MAST4: variants seen among roughly 807,000 people sequenced by gnomAD.
MAST4 encodes microtubule associated serine/threonine kinase family member 4.
In MAST4, 89 loss-of-function variants were observed where a neutral mutation model predicts 162.7. The ratio of observed to expected loss-of-function variants is 0.55; its 90% CI spans 0.46 to 0.65. The LOEUF (loss-of-function observed/expected upper bound fraction) is 0.65. MAST4 is among the 30% of genes least tolerant of loss of function. The pLI is 0.00. For synonymous variants in MAST4, 1,479 were observed against 1,361.1 expected, an observed-to-expected ratio of 1.09 and a Z score of -1.91; for missense variants, 3,153 against 3,374.0, an observed-to-expected ratio of 0.93 and a Z score of 1.62.
intron 3 of MAST4, among the ~76,000 whole-genome samples, chr5:66,840,254 T>C (rs867433989): frequency 3.5e-4 from 53 of 152,300 alleles, no homozygotes; most frequent in African/African-American, 1.3e-3. Flanking sequence ...TATTTTTATC[T>C]TAACATTTTT....
At chr5:66,915,330 GT>G (rs1358674908) in intron 4 of MAST4, among the ~76,000 whole-genome samples, 1 of 150,034 alleles carries the variant, frequency 6.7e-6, no homozygotes, top group Non-Finnish European at 1.5e-5. Flanking sequence ...GAGATTTCAT[GT>G]TTTCTTCTGA....
At chr5:66,928,188 C>G (rs996411572) in intron 4 of MAST4, among the ~76,000 whole-genome samples, 1 of 152,188 alleles carries the variant, frequency 6.6e-6, no homozygotes, top group Admixed American at 6.5e-5. Flanking sequence ...CATAATACCC[C>G]TTCTGTTCTC....
intron 3 of MAST4, 62 bp from the exon 4 acceptor site, chr5:66,899,889 G>T: frequency 7.7e-7 from 1 of 1,294,484 alleles, no homozygotes; most frequent in East Asian, 2.7e-5. Context: ...TATCCATTTG[G>T]TATCCTAGTA....
At position 66,941,418 on chromosome 5, in the gene MAST4, C is replaced by T. The variant is rs116953758; in HGVS notation, c.674+41436C>T. On this transcript the variant is annotated intron_variant, in intron 4 of 28. Transcript: ENST00000403625. Reference sequence around the variant, plus strand: ...TTGCACTTTTATGGTATGGAGATGGCGTCTTTCCTTAAACTTCTGCTAGCT... The same window carrying T: ...TTGCACTTTTATGGTATGGAGATGGTGTCTTTCCTTAAACTTCTGCTAGCT... Among the ~76,000 whole-genome samples the T allele has an allele frequency of 1.4e-4, 22 of 152,234 alleles. No homozygotes were observed. The East Asian group carries it at 3.7e-3, about 25-fold the overall frequency.
intron 21 of MAST4, chr5:67,143,020 T>C (rs1770600860): frequency 6.4e-6 from 1 of 156,358 alleles, no homozygotes. Context: ...CGAGCTTCAC[T>C]GTGTACAGAG....
chr5:66,870,471 A>G (rs1760846721), intron 3 of MAST4, among the ~76,000 whole-genome samples: 1 of 152,170 alleles, frequency 6.6e-6, no homozygotes, highest in South Asian at 2.1e-4. Context: ...TTTTTGAAAT[A>G]CAGACAATTA....
chr5:66,736,342 T>G (rs2149564000), intron 1 of MAST4, among the ~76,000 whole-genome samples: 1 of 150,362 alleles, frequency 6.7e-6, no homozygotes, highest in African/African-American at 2.5e-5. Flanking sequence ...TTGGTCCTTG[T>G]ATGTGTGTGC....
chr5:66,772,918 A>G (rs922521354), intron 2 of MAST4, among the ~76,000 whole-genome samples: 1 of 152,196 alleles, frequency 6.6e-6, no homozygotes, highest in African/African-American at 2.4e-5. Context: ...TTCATTTTCT[A>G]GTCACTGCAC....
In MAST4 at chr5:66,796,426, A is replaced by C. The variant is rs1222153213; in HGVS notation, c.642+7632A>C. Among the ~76,000 whole-genome samples, 4 of 152,146 alleles carry C rather than the reference A, an allele frequency of 2.6e-5. No homozygotes were observed. In the East Asian group the frequency reaches 7.7e-4, roughly 29 times the overall value. On this transcript the variant is annotated intron_variant, in intron 3 of 28. Coordinates refer to ENST00000403625, the MANE Select transcript of MAST4 (RefSeq NM_001164664.2). The stretch of plus-strand genomic sequence containing the variant: ...TCTTTTCATTTTGCAGAGGTTAAAA[A>C]ATGTTCATTACCTTCTTTAGGTGTT...
At chr5:66,658,362 G>T (rs1361405970) in intron 1 of MAST4, among the ~76,000 whole-genome samples, 1 of 152,172 alleles carries the variant, frequency 6.6e-6, no homozygotes, top group Non-Finnish European at 1.5e-5. Context: ...ACAAAGACGG[G>T]CCTATTTCCA....
chr5:66,650,263 T>C (rs2149446844), intron 1 of MAST4, among the ~76,000 whole-genome samples: 1 of 152,232 alleles, frequency 6.6e-6, no homozygotes, highest in Admixed American at 6.5e-5. Context: ...CTGCTTCATA[T>C]ATGATCCTTC....
intron 3 of MAST4, among the ~76,000 whole-genome samples, chr5:66,802,613 G>C (rs1415123893): frequency 6.6e-6 from 1 of 152,128 alleles, no homozygotes; most frequent in Non-Finnish European, 1.5e-5. Context: ...TTAGAGTTTA[G>C]AGTCTATTTT....
intron 4 of MAST4, among the ~76,000 whole-genome samples, chr5:66,997,801 C>A (rs1252247572): frequency 1.3e-5 from 2 of 152,144 alleles, no homozygotes; most frequent in South Asian, 2.1e-4. Context: ...TATATTTATA[C>A]CCCTATGAAT....
chr5:66,597,081 C>G (rs1047141091), intron 1 of MAST4, 63 bp downstream of exon 1: 1 of 1,339,282 alleles, frequency 7.5e-7, no homozygotes. Flanking sequence ...AGTTTCCCAT[C>G]CTGCGCACAG....
chr5:66,972,322 T>C (rs1390876429), intron 4 of MAST4, among the ~76,000 whole-genome samples: 1 of 152,224 alleles, frequency 6.6e-6, no homozygotes, highest in Non-Finnish European at 1.5e-5. Context: ...TTTCTACTTA[T>C]TTCTCTGACA....
Position 66,897,967 on chromosome 5 carries a change from T to A in MAST4, c.643-1984T>A, listed in dbSNP as rs536557165. Among the ~76,000 whole-genome samples the A allele has an allele frequency of 2.0e-5, 3 of 152,378 alleles. No homozygotes were observed. The East Asian group carries it at 5.8e-4, about 29-fold the overall frequency. On this transcript the variant is annotated intron_variant, in intron 3 of 28. Coordinates refer to ENST00000403625, the MANE Select transcript of MAST4 (RefSeq NM_001164664.2). Reference sequence around the variant, plus strand: ...GGTCATTCGTTTGGTCCCTTTCCTCTTATATCTTCTGAGTGATCTATTTGC... The same window carrying A: ...GGTCATTCGTTTGGTCCCTTTCCTCATATATCTTCTGAGTGATCTATTTGC...
chr5:66,711,845 A>G (rs868302447), intron 1 of MAST4, among the ~76,000 whole-genome samples: 2 of 152,092 alleles, frequency 1.3e-5, no homozygotes, highest in African/African-American at 4.8e-5. Context: ...CCACCCCCCA[A>G]AAAAAGATGC....
chr5:66,901,333 G>A (rs1454341615), intron 4 of MAST4, among the ~76,000 whole-genome samples: 11 of 151,910 alleles, frequency 7.2e-5, no homozygotes, highest in Admixed American at 6.6e-4. Context: ...TATCATGTTA[G>A]TGTTTCCAAC....
chr5:66,746,668 T>C (rs1752777390), intron 1 of MAST4, among the ~76,000 whole-genome samples: 1 of 152,198 alleles, frequency 6.6e-6, no homozygotes. Flanking sequence ...ATGGTCAGAC[T>C]CTTTAGTTAT....
Sources: allele counts gnomAD v4.1 joint callset (sites outside exome capture counted in the v4.1 genomes callset), GRCh38; gene constraint gnomAD v4.1.1; transcripts MANE v1.5; gene names NCBI Gene and HGNC (gene_info 2026-07-23, HGNC 2026-07-21).